RADX: variants seen among roughly 807,000 people sequenced by gnomAD.
The protein encoded by RADX is RPA1 related single stranded DNA binding protein, X-linked, also known as RPA-related protein RADX.
In RADX, 36 loss-of-function variants were observed where a neutral mutation model predicts 61.6. That is an observed-to-expected ratio of 0.58 (90% CI 0.45 to 0.77). The LOEUF is 0.77. RADX is among the 30% of genes least tolerant of loss of function. The pLI, the probability that RADX is intolerant of heterozygous loss-of-function variation, is 0.00. For synonymous variants in RADX, 272 were observed against 237.9 expected, an observed-to-expected ratio of 1.14 and a Z score of -1.32; for missense variants, 497 against 651.1, an observed-to-expected ratio of 0.76 and a Z score of 2.58.
intron 10 of RADX, among the ~76,000 whole-genome samples, chrX:106,641,280 T>G (rs1369919853): frequency 9.6e-6 from 1 of 104,296 alleles, no homozygotes; most frequent in Non-Finnish European, 1.9e-5. Context: ...TGCCCTCTGG[T>G]CCCACAAAAT....
intron 3 of RADX, among the ~76,000 whole-genome samples, chrX:106,631,802 GAAGA>G (rs200210544): frequency 4.5e-4 from 45 of 101,011 alleles, no homozygotes; most frequent in Non-Finnish European, 5.7e-4. Context: ...GAGAAAGAAA[GAAGA>G]AAGAAAGAGA....
chrX:106,675,898 A>G (rs988059771), intron 13 of RADX, among the ~76,000 whole-genome samples: 2 of 111,619 alleles, frequency 1.8e-5, no homozygotes, highest in African/African-American at 6.5e-5. Context: ...TGTGTCAACT[A>G]CCATTCTAAA....
At chrX:106,637,657 A>G (rs1927391148) in intron 7 of RADX, 103 bp from the exon 8 acceptor site, 3 of 626,122 alleles carry the variant, frequency 4.8e-6, no homozygotes, top group South Asian at 3.8e-5. Context: ...TAAAAGAGGG[A>G]TTGTTTTAAT....
chrX:106,676,598 T>C (rs1464703093), intron 13 of RADX, among the ~76,000 whole-genome samples: 1 of 112,562 alleles, frequency 8.9e-6, no homozygotes, highest in African/African-American at 3.2e-5. Context: ...ATAAAGTATT[T>C]TTATGCGTAG....
chrX:106,647,050 C>A (rs142592416), intron 10 of RADX, among the ~76,000 whole-genome samples: 40 of 110,177 alleles, frequency 3.6e-4, no homozygotes, highest in African/African-American at 1.3e-3. Context: ...ACTATAGTCA[C>A]CCTGTTGTGC....
At chrX:106,644,153 G>A (rs1273296691) in intron 10 of RADX, among the ~76,000 whole-genome samples, 1 of 111,120 alleles carries the variant, frequency 9.0e-6, no homozygotes, top group Non-Finnish European at 1.9e-5. Flanking sequence ...GTGAGTTTAC[G>A]AGTTCTAATA....
At position 106,669,286 on chromosome X, in the gene RADX, A is replaced by C. The variant is rs200280161; in HGVS notation, c.2393A>C (p.Asp798Ala). 3 of 1,203,694 alleles carry C rather than the reference A, an allele frequency of 2.5e-6. No homozygotes were observed. Among genetic ancestry groups the C allele is most frequent in the South Asian group, 1.8e-5 (1 of 56,187 alleles). Residue 798 changes from aspartate to alanine, a missense_variant, in exon 13 of 14, where the codon GAC becomes GCC. Coordinates refer to ENST00000372548, the MANE Select transcript of RADX (RefSeq NM_018015.6). Reference sequence around the variant, plus strand: ...AATTACAGCTGTGCATATCCACAGGACACAACTGGAAATGACCGATTGCCA... The same window carrying C: ...AATTACAGCTGTGCATATCCACAGGCCACAACTGGAAATGACCGATTGCCA... ...SMNYSCAYPQ[D>A]TTGNDRLPGP... is the part of the protein sequence containing the mutation.
intron 3 of RADX, among the ~76,000 whole-genome samples, chrX:106,629,810 C>T (rs1209900843): frequency 9.0e-6 from 1 of 110,838 alleles, no homozygotes; most frequent in Non-Finnish European, 1.9e-5. Flanking sequence ...TGGCAAACTG[C>T]ATCATGTGTA....
intron 1 of RADX, among the ~76,000 whole-genome samples, chrX:106,613,331 A>G (rs183717485): frequency 1.7e-3 from 187 of 111,681 alleles, no homozygotes; most frequent in African/African-American, 5.9e-3. Flanking sequence ...CTCACCACAA[A>G]GAGTACTGAT....
At chrX:106,671,657 A>C (rs1928364130) in intron 13 of RADX, among the ~76,000 whole-genome samples, 1 of 111,889 alleles carries the variant, frequency 8.9e-6, no homozygotes, top group South Asian at 3.7e-4. Context: ...GTGCCACTTT[A>C]CTCATGCCCT....
At chrX:106,629,779 T>C (rs775951311) in intron 3 of RADX, among the ~76,000 whole-genome samples, 56 of 111,044 alleles carry the variant, frequency 5.0e-4, no homozygotes, top group Non-Finnish European at 9.6e-4. Context: ...AACATATATA[T>C]AGATATTCTG....
At chrX:106,650,194 A>C (rs1355224559) in intron 11 of RADX, among the ~76,000 whole-genome samples, 3 of 111,216 alleles carry the variant, frequency 2.7e-5, no homozygotes, top group African/African-American at 9.8e-5. Flanking sequence ...GGTAAGAAAA[A>C]GTCATCTGAG....
chrX:106,618,801 C>T (rs1926872482), intron 1 of RADX, among the ~76,000 whole-genome samples: 2 of 110,228 alleles, frequency 1.8e-5, no homozygotes, highest in African/African-American at 6.6e-5. Flanking sequence ...GACCTTGTCT[C>T]AAAAAATAAA....
intron 11 of RADX, among the ~76,000 whole-genome samples, chrX:106,652,536 C>A (rs1466858020): frequency 9.1e-6 from 1 of 109,694 alleles, no homozygotes; most frequent in Non-Finnish European, 1.9e-5. Flanking sequence ...AATGGACATT[C>A]CACTAAGAAT....
chrX:106,614,327 A>G (rs1228333490), intron 1 of RADX, among the ~76,000 whole-genome samples: 1 of 111,879 alleles, frequency 8.9e-6, no homozygotes, highest in Non-Finnish European at 1.9e-5. Flanking sequence ...AACACATCTC[A>G]GGCATCTTTC....
At chrX:106,628,682 C>T (rs1927132588) in intron 3 of RADX, among the ~76,000 whole-genome samples, 1 of 102,900 alleles carries the variant, frequency 9.7e-6, no homozygotes, top group African/African-American at 3.7e-5. Flanking sequence ...CTTGCTATGT[C>T]ACCCAGGCTG....
intron 12 of RADX, among the ~76,000 whole-genome samples, chrX:106,666,176 G>A (rs968264800): frequency 9.0e-6 from 1 of 111,692 alleles, no homozygotes; most frequent in Non-Finnish European, 1.9e-5. Context: ...TGAAATATAA[G>A]AACACACCTT....
At chrX:106,644,938 T>C (rs1204599655) in intron 10 of RADX, among the ~76,000 whole-genome samples, 2 of 111,198 alleles carry the variant, frequency 1.8e-5, no homozygotes, top group African/African-American at 6.5e-5. Flanking sequence ...ACAACTTCCA[T>C]CTCATTACTT....
intron 12 of RADX, among the ~76,000 whole-genome samples, chrX:106,667,346 C>T (rs761472579): frequency 1.8e-5 from 2 of 110,933 alleles, no homozygotes; most frequent in East Asian, 5.7e-4. Context: ...AGACAGGTTA[C>T]CACTCTGTTG....
Sources: gnomAD v4.1 joint callset for allele counts (sites outside exome capture counted in the v4.1 genomes callset) on GRCh38, gnomAD v4.1.1 for gene constraint, MANE v1.5 for transcripts, NCBI Gene and HGNC (gene_info 2026-07-23, HGNC 2026-07-21) for gene names.